ZEB1: variants seen among roughly 807,000 people sequenced by gnomAD.
The protein encoded by ZEB1 is zinc finger E-box binding homeobox 1.
A neutral mutation model predicts 84.9 loss-of-function variants in ZEB1; 21 were observed. The ratio of observed to expected loss-of-function variants is 0.25; its 90% CI spans 0.18 to 0.36. The LOEUF (loss-of-function observed/expected upper bound fraction) is 0.36, where lower values mean the gene tolerates loss of function less well. Among genes scored for constraint, ZEB1 ranks in the 10% least tolerant of loss-of-function variants. The probability of loss-of-function intolerance (pLI) is 1.00; values close to 1 mark genes in which losing one functional copy is unlikely to be tolerated. For synonymous variants in ZEB1, 420 were observed against 471.1 expected, an observed-to-expected ratio of 0.89 and a Z score of 1.41; for missense variants, 1,104 against 1,330.2, an observed-to-expected ratio of 0.83 and a Z score of 2.65.
intron 1 of ZEB1, among the ~76,000 whole-genome samples, chr10:31,332,627 A>G (rs943556018): frequency 2.6e-5 from 4 of 152,150 alleles, no homozygotes; most frequent in African/African-American, 4.8e-5. Context: ...CAGGCCTGGT[A>G]TATGTTTTTA....
chr10:31,399,565 A>G (rs1038320358), intron 1 of ZEB1, among the ~76,000 whole-genome samples: 5 of 152,036 alleles, frequency 3.3e-5, no homozygotes, highest in Non-Finnish European at 5.9e-5. Flanking sequence ...CCTGATCCAA[A>G]TCACCTTCAT....
chr10:31,361,931 C>A (rs1321959598), intron 1 of ZEB1, among the ~76,000 whole-genome samples: 1 of 150,390 alleles, frequency 6.6e-6, no homozygotes, highest in Non-Finnish European at 1.5e-5. Context: ...GGAGGCCGGG[C>A]AGAGGCACTC....
At chr10:31,377,776 A>T (rs1406956324) in intron 1 of ZEB1, among the ~76,000 whole-genome samples, 2 of 151,746 alleles carry the variant, frequency 1.3e-5, no homozygotes, top group Non-Finnish European at 3.0e-5. Flanking sequence ...GTTGATTAAA[A>T]TTCCTTTTTA....
At chr10:31,461,818 A>G (rs1365031451) in intron 2 of ZEB1, among the ~76,000 whole-genome samples, 1 of 152,132 alleles carries the variant, frequency 6.6e-6, no homozygotes, top group African/African-American at 2.4e-5. Context: ...CTTCTTCCTC[A>G]TCTGTCAAAT....
At chr10:31,371,363 G>C (rs2045663730) in intron 1 of ZEB1, among the ~76,000 whole-genome samples, 1 of 152,172 alleles carries the variant, frequency 6.6e-6, no homozygotes, top group African/African-American at 2.4e-5. Context: ...TCTGTGTTCT[G>C]TAATTTCATT....
chr10:31,339,744 C>T (rs2038977386), intron 1 of ZEB1, among the ~76,000 whole-genome samples: 1 of 149,206 alleles, frequency 6.7e-6, no homozygotes, highest in Non-Finnish European at 1.5e-5. Context: ...ACTCCAGCGA[C>T]AGAGAGAGAC....
chr10:31,519,377 G>A (rs1184139463), intron 6 of ZEB1, among the ~76,000 whole-genome samples: 2 of 152,168 alleles, frequency 1.3e-5, no homozygotes, highest in African/African-American at 4.8e-5. Flanking sequence ...CAGCTTGAGG[G>A]AAGCCTCTGC....
intron 1 of ZEB1, among the ~76,000 whole-genome samples, chr10:31,337,358 A>G (rs2038347004): frequency 6.6e-6 from 1 of 151,176 alleles, no homozygotes; most frequent in Non-Finnish European, 1.5e-5. Flanking sequence ...ATGTGTGTTT[A>G]AAAAAAAACG....
chr10:31,417,371 G>A (rs1475499824), intron 1 of ZEB1, among the ~76,000 whole-genome samples: 1 of 152,036 alleles, frequency 6.6e-6, no homozygotes, highest in African/African-American at 2.4e-5. Context: ...ACTACCCTGT[G>A]AGGTGTGAGG....
At chr10:31,396,097 T>C (rs2050672536) in intron 1 of ZEB1, among the ~76,000 whole-genome samples, 1 of 152,228 alleles carries the variant, frequency 6.6e-6, no homozygotes, top group South Asian at 2.1e-4. Context: ...TTGCACAACA[T>C]TGTAAGTATA....
intron 1 of ZEB1, among the ~76,000 whole-genome samples, chr10:31,411,222 C>A (rs976231021): frequency 1.3e-5 from 2 of 152,206 alleles, no homozygotes; most frequent in African/African-American, 4.8e-5. Flanking sequence ...CTCACAACCT[C>A]ACAACTGCAT....
In ZEB1 at chr10:31,380,616, C is replaced by T. The variant is rs536695562; in HGVS notation, c.58+61324C>T. On this transcript the variant is annotated intron_variant, in intron 1 of 8. Coordinates refer to ENST00000424869, the MANE Select transcript of ZEB1 (RefSeq NM_001174096.2). ...GAATGAATTTTTAAATCTGCCACCC[C>T]TTACACATTTATTAGTGGAAATTCT... 2.6e-5 allele frequency among the ~76,000 whole-genome samples: 4 copies of T among 152,234 alleles called. No individual in the cohort carries two copies. The South Asian group carries it at 6.2e-4, about 24-fold the overall frequency.
At chr10:31,435,164 A>C (rs1412020561) in intron 1 of ZEB1, among the ~76,000 whole-genome samples, 1 of 152,206 alleles carries the variant, frequency 6.6e-6, no homozygotes, top group Non-Finnish European at 1.5e-5. Context: ...CGACATGAGA[A>C]AGTTTCAACT....
chr10:31,514,675 C>T lies in ZEB1; in HGVS notation c.760C>T (p.His254Tyr). Residue 254 changes from histidine to tyrosine, a missense_variant, in exon 6 of 9, where the codon CAT (histidine) becomes TAT (tyrosine). Physicochemically the swap from His to Tyr is moderately conservative, Grantham distance 83. Transcript: ENST00000424869. ...GTGTGGAAAAGCTTTCAAATACAAA[C>T]ATCACCTAAAAGAGCACTTAAGAAT... ...TECGKAFKYK[H>Y]HLKEHLRIHS... The T allele has an allele frequency of 6.2e-7, 1 of 1,612,616 alleles. No individual in the cohort carries two copies. The highest frequency in any genetic ancestry group is 8.5e-7 in the Non-Finnish European group (1 of 1,179,004).
At chr10:31,474,851 C>T (rs1355060167) in intron 2 of ZEB1, among the ~76,000 whole-genome samples, 1 of 152,062 alleles carries the variant, frequency 6.6e-6, no homozygotes, top group Non-Finnish European at 1.5e-5. Context: ...GAAAAGGTGG[C>T]ACATATACAC....
intron 1 of ZEB1, among the ~76,000 whole-genome samples, chr10:31,360,752 G>A (rs1270231663): frequency 1.3e-5 from 2 of 152,186 alleles, no homozygotes; most frequent in African/African-American, 2.4e-5. Flanking sequence ...CAGAGAGTTC[G>A]TAAATTAGTG....
chr10:31,526,990 A>G lies in ZEB1; in HGVS notation c.3104A>G (p.Glu1035Gly). ...GAGAGTTTGACAAGGGAAGAGGATG[A>G]AGACAGTGAAAAAGAGGAAGAGGAG... ...ERESLTREED[E>G]DSEKEEEEED... The change falls in exon 9 of 9, where the codon GAA becomes GGA. Residue 1035 changes from glutamate (E) to glycine (G), a missense_variant. Around this residue, in one of 7 missense-constraint regions of ZEB1, gnomAD observed 173 missense variants for 167.0 expected, o/e 1.04. Transcript: ENST00000424869. 1 of 1,610,702 alleles carries G rather than the reference A, an allele frequency of 6.2e-7. No individual in the cohort carries two copies. Among genetic ancestry groups the G allele is most frequent in the Non-Finnish European group, 8.5e-7 (1 of 1,178,192 alleles).
At chr10:31,378,189 A>G (rs1035654690) in intron 1 of ZEB1, among the ~76,000 whole-genome samples, 7 of 151,586 alleles carry the variant, frequency 4.6e-5, no homozygotes, top group African/African-American at 1.7e-4. Context: ...GCGGGAGAGT[A>G]TTTGTGATCT....
intron 1 of ZEB1, among the ~76,000 whole-genome samples, chr10:31,370,790 C>T (rs2045561338): frequency 2.0e-5 from 3 of 152,038 alleles, no homozygotes; most frequent in Admixed American, 2.0e-4. Flanking sequence ...ATTTTTCTGC[C>T]AGCTAGTTGT....
Sources: allele counts gnomAD v4.1 joint callset (sites outside exome capture counted in the v4.1 genomes callset), GRCh38; gene constraint gnomAD v4.1.1; regional missense constraint gnomAD v4.1.1; transcripts MANE v1.5; gene names NCBI Gene and HGNC (gene_info 2026-07-23, HGNC 2026-07-21).